The following RARB variants were observed in gnomAD, a reference collection of about 807,000 sequenced individuals.
The protein encoded by RARB is retinoic acid receptor beta.
A neutral mutation model predicts 51.9 loss-of-function variants in RARB; 17 were observed. That is an observed-to-expected ratio of 0.33 (90% confidence interval 0.22 to 0.49). RARB has a LOEUF of 0.49. Among genes scored for constraint, RARB ranks in the 20% least tolerant of loss-of-function variants. The probability of loss-of-function intolerance (pLI) is 0.99; values close to 1 mark genes in which losing one functional copy is unlikely to be tolerated. For missense variants in RARB, 369 were observed against 550.8 expected (o/e 0.67, Z 3.30); for synonymous variants, 215 against 195.4 (o/e 1.10, Z -0.84).
intron 2 of RARB, among the ~76,000 whole-genome samples, chr3:24,984,734 A>G (rs981714646): frequency 2.7e-5 from 4 of 147,316 alleles, no homozygotes; most frequent in African/African-American, 1.0e-4. Flanking sequence ...TACTAAAAGT[A>G]TTTTAGATGT....
chr3:25,051,148 GT>G (rs954604061), intron 2 of RARB, among the ~76,000 whole-genome samples: 32 of 152,178 alleles, frequency 2.1e-4, no homozygotes, highest in African/African-American at 7.7e-4. Context: ...GAGTAGAATT[GT>G]AAGTGAAAAT....
chr3:24,879,559 C>G (rs1435563758), intron 2 of RARB, among the ~76,000 whole-genome samples: 1 of 141,870 alleles, frequency 7.0e-6, no homozygotes, highest in Non-Finnish European at 1.5e-5. Context: ...TGTGGTGGCT[C>G]TCCTCTGTAA....
intron 3 of RARB, among the ~76,000 whole-genome samples, chr3:25,552,021 G>T (rs1052622916): frequency 4.0e-5 from 6 of 151,830 alleles, no homozygotes; most frequent in African/African-American, 1.5e-4. Context: ...ATCCTAAAAA[G>T]TTCCCATAGC....
chr3:25,067,120 G>A (rs1698678954), intron 3 of RARB, among the ~76,000 whole-genome samples: 2 of 152,136 alleles, frequency 1.3e-5, no homozygotes, highest in Admixed American at 1.3e-4. Context: ...TCCAGAAAAG[G>A]GTATGGCTGA....
chr3:25,259,915 C>T (rs531056722), intron 5 of RARB: 12 of 985,286 alleles, frequency 1.2e-5, no homozygotes, highest in Non-Finnish European at 1.3e-5. Context: ...TTTTCTTTCT[C>T]AGGCTTTGTC....
rs952741470 is a variant in RARB, at chr3:25,578,565, G to A, written c.610-1981G>A. Reference sequence around the variant, plus strand: ...CCTCTCTTCCGTGTCATCTTCCTACGAACCGGATAAACTGCCTATTAAATT... The same window carrying A: ...CCTCTCTTCCGTGTCATCTTCCTACAAACCGGATAAACTGCCTATTAAATT... On this transcript the variant is annotated intron_variant, in intron 4 of 7. Transcript: ENST00000330688. Among the ~76,000 whole-genome samples the A allele has an allele frequency of 6.6e-5, 10 of 152,074 alleles. 1 individual carries two copies. Among genetic ancestry groups the A allele is most frequent in the Admixed American group, 3.9e-4 (6 of 15,266 alleles).
chr3:25,036,222 C>T (rs17015641), intron 2 of RARB, among the ~76,000 whole-genome samples: 3,896 of 152,150 alleles, frequency 0.026, 162 homozygotes, highest in African/African-American at 0.088. Context: ...AACCTCCTTG[C>T]GGCAGTTGTA....
In RARB at chr3:25,122,652, A is replaced by G. The variant is rs377114600; in HGVS notation, c.-327-9509A>G. Among the ~76,000 whole-genome samples the G allele has an allele frequency of 2.7e-3, 407 of 152,226 alleles. 4 individuals carry two copies. Among genetic ancestry groups the G allele is most frequent in the African/African-American group, 8.0e-3 (333 of 41,558 alleles). ...ATCACTTTCCTCATGTTCTAGCTCT[A>G]TTAGTGAGATCTTGGTTAAATGGTC... On this transcript the variant is annotated intron_variant, in intron 3 of 11. Coordinates refer to the RARB transcript ENST00000383772.
intron 2 of RARB, among the ~76,000 whole-genome samples, chr3:24,935,039 C>T (rs1041349434): frequency 6.6e-6 from 1 of 152,070 alleles, no homozygotes; most frequent in African/African-American, 2.4e-5. Flanking sequence ...CCCTTTTGGA[C>T]TATGATTGCA....
At position 25,242,517 on chromosome 3, in the gene RARB, T is replaced by C. The variant is rs532962791; in HGVS notation, c.178+67942T>C. Among the ~76,000 whole-genome samples, 233 of 152,340 alleles carry C rather than the reference T, an allele frequency of 1.5e-3. 1 individual carries two copies. The highest frequency in any genetic ancestry group is 5.5e-3 in the African/African-American group (227 of 41,576). ...AGGAAGGGGTCCAGTCTCAGTTTTC[T>C]GCATATGACTAGCCAGTTTTCCCCA... On this transcript the variant is annotated intron_variant, in intron 5 of 11. Coordinates refer to the RARB transcript ENST00000383772.
chr3:24,927,751 G>A (rs1038432195), intron 2 of RARB, among the ~76,000 whole-genome samples: 7 of 152,036 alleles, frequency 4.6e-5, no homozygotes, highest in Middle Eastern at 3.4e-3. Context: ...TTGTTAAAGC[G>A]TATTTTTTAA....
rs1462614506 is a variant in RARB, at chr3:25,020,958, A to T, written c.-379-39167A>T. On this transcript the variant is annotated intron_variant, in intron 2 of 11. Coordinates refer to the RARB transcript ENST00000383772. ...CACTCCAGCCTGGCAACGGAGTGAA[A>T]CACCGTCTCAAAATAAATAAATAAA... Among the ~76,000 whole-genome samples the T allele has an allele frequency of 2.0e-5, 3 of 152,170 alleles. No homozygotes were observed. The South Asian group carries it at 6.2e-4, about 32-fold the overall frequency.
intron 1 of RARB, among the ~76,000 whole-genome samples, chr3:24,842,985 A>G (rs752960196): frequency 5.3e-5 from 8 of 152,178 alleles, no homozygotes; most frequent in Non-Finnish European, 7.4e-5. Context: ...TTTGGCCTTT[A>G]TTATCATTAT....
At chr3:25,127,164 C>T (rs886209839) in intron 3 of RARB, among the ~76,000 whole-genome samples, 7 of 152,254 alleles carry the variant, frequency 4.6e-5, no homozygotes, top group African/African-American at 1.2e-4. Flanking sequence ...CTATGTCACA[C>T]TCTGCTTAAA....
intron 4 of RARB, among the ~76,000 whole-genome samples, chr3:25,155,831 C>G (rs1700364755): frequency 6.6e-6 from 1 of 152,202 alleles, no homozygotes; most frequent in Non-Finnish European, 1.5e-5. Flanking sequence ...AAGCATACCC[C>G]ATGCTGGCTC....
chr3:24,845,049 C>A (rs1702469677), intron 1 of RARB, among the ~76,000 whole-genome samples: 1 of 152,134 alleles, frequency 6.6e-6, no homozygotes, highest in South Asian at 2.1e-4. Flanking sequence ...ATGGCCAATC[C>A]CACACAGGAG....
intron 5 of RARB, among the ~76,000 whole-genome samples, chr3:25,329,758 A>G (rs905287324): frequency 9.2e-5 from 14 of 152,184 alleles, no homozygotes; most frequent in African/African-American, 3.4e-4. Context: ...AAGAAGCTAA[A>G]AGCCTTGAAA....
intron 5 of RARB, among the ~76,000 whole-genome samples, chr3:25,330,350 G>A (rs1704855312): frequency 6.6e-6 from 1 of 152,120 alleles, no homozygotes; most frequent in Admixed American, 6.5e-5. Flanking sequence ...AGAGAGTGGG[G>A]GCCAATATTC....
rs1708223362 is a variant in RARB at position 25,431,859 on chromosome 3, A to C, written c.157+2971A>C. Among the ~76,000 whole-genome samples, 3 of 152,152 alleles carry C rather than the reference A, an allele frequency of 2.0e-5. No individual in the cohort carries two copies. In the South Asian group the frequency reaches 6.2e-4, roughly 32 times the overall value. On this transcript the variant is annotated intron_variant, in intron 1 of 7. Coordinates refer to ENST00000330688, the MANE Select transcript of RARB (RefSeq NM_000965.5). ...AAAGGCCTCTTTTCAAAGCCCTGGG[A>C]CCCAAATTTTAAGTATTAAACAGTA...
Sources: allele counts gnomAD v4.1 joint callset (sites outside exome capture counted in the v4.1 genomes callset), GRCh38; gene constraint gnomAD v4.1.1; transcripts MANE v1.5; gene names NCBI Gene and HGNC (gene_info 2026-07-23, HGNC 2026-07-21).